The following SUGT1 variants were observed in gnomAD, a reference collection of about 807,000 sequenced individuals.
The protein encoded by SUGT1 is SGT1 assembly cochaperone of MIS12 kinetochore complex.
Under a neutral mutation model 56.1 loss-of-function variants are expected in SUGT1, and 15 were observed. The ratio of observed to expected loss-of-function variants is 0.27; its 90% confidence interval spans 0.18 to 0.41. The LOEUF is 0.41. Among genes scored for constraint, SUGT1 ranks in the 10% least tolerant of loss-of-function variants. The pLI, the probability that SUGT1 is intolerant of heterozygous loss-of-function variation, is 1.00. For missense variants in SUGT1, 347 were observed against 382.2 expected (o/e 0.91, Z 0.77); for synonymous variants, 123 against 128.6 (o/e 0.96, Z 0.30).
intron 10 of SUGT1, among the ~76,000 whole-genome samples, chr13:52,672,743 G>A (rs1202223539): frequency 6.6e-6 from 1 of 152,124 alleles, no homozygotes; most frequent in Non-Finnish European, 1.5e-5. Context: ...AATAGTAGGT[G>A]GGATCTTACT....
chr13:52,676,013 G>A (rs1963127157), intron 10 of SUGT1, among the ~76,000 whole-genome samples: 1 of 152,056 alleles, frequency 6.6e-6, no homozygotes, highest in Non-Finnish European at 1.5e-5. Context: ...CTTGATTATA[G>A]CTTATATATA....
intron 5 of SUGT1, chr13:52,661,655 A>G: frequency 2.7e-6 from 1 of 375,964 alleles, no homozygotes; most frequent in Non-Finnish European, 5.2e-6. Context: ...AGGGTAAAGA[A>G]TTGTTACCTT....
chr13:52,668,974 A>T (rs1340002794), intron 10 of SUGT1, among the ~76,000 whole-genome samples: 1 of 152,186 alleles, frequency 6.6e-6, no homozygotes, highest in Non-Finnish European at 1.5e-5. Context: ...AAATACATAG[A>T]TGTGTGGCTA....
chr13:52,674,322 G>A (rs748247245), intron 10 of SUGT1, among the ~76,000 whole-genome samples: 36 of 151,762 alleles, frequency 2.4e-4, no homozygotes, highest in Admixed American at 1.5e-3. Context: ...AAGGTGCTGG[G>A]GTTACTACTC....
At chr13:52,664,945 C>T (rs2138127483) in intron 8 of SUGT1, among the ~76,000 whole-genome samples, 1 of 152,258 alleles carries the variant, frequency 6.6e-6, no homozygotes, top group South Asian at 2.1e-4. Context: ...AGCTTTTAAT[C>T]TAGTCTAATT....
intron 12 of SUGT1, among the ~76,000 whole-genome samples, chr13:52,685,229 G>C (rs1037729747): frequency 6.8e-6 from 1 of 146,412 alleles, no homozygotes; most frequent in Admixed American, 7.1e-5. Flanking sequence ...ACCACACCTG[G>C]CTATTTTTCT....
rs1266250395 is a variant in SUGT1 at position 52,692,990 on chromosome 13, T to C, written c.*5155T>C. On this transcript the variant is annotated 3_prime_UTR_variant, in exon 13 of 13. Transcript: ENST00000310528. ...GGGAGCTCTCATACCAGTTCCGTTGTACAAATGCTGAGATTGTTTCAAGGT... is the reference window on the plus strand; with the variant it reads ...GGGAGCTCTCATACCAGTTCCGTTGCACAAATGCTGAGATTGTTTCAAGGT... The C allele has an allele frequency of 6.6e-6, 1 of 152,224 alleles. No individual in the cohort carries two copies. The highest frequency in any genetic ancestry group is 1.5e-5 in the Non-Finnish European group (1 of 68,042). 9.4% of individuals were successfully genotyped at this position (152,224 alleles called of 1,614,324 possible). A position where few individuals can be genotyped will look rare whatever the true frequency, so the allele number is the denominator to read the frequency against.
At chr13:52,662,537 C>A in intron 5 of SUGT1, 112 bp from the exon 6 acceptor site, 1 of 992,780 alleles carries the variant, frequency 1.0e-6, no homozygotes, top group Non-Finnish European at 1.5e-6. Context: ...TGTTCGCTGC[C>A]GACTCCCCAG....
At chr13:52,658,038 A>C (rs1012653913) in intron 3 of SUGT1, 6 of 1,149,856 alleles carry the variant, frequency 5.2e-6, no homozygotes, top group African/African-American at 4.9e-5. Flanking sequence ...CCTGGGCAAC[A>C]TAACAAGACC....
intron 4 of SUGT1, 118 bp downstream of exon 4, chr13:52,658,586 A>G: frequency 1.1e-6 from 1 of 876,140 alleles, no homozygotes; most frequent in South Asian, 2.4e-5. Flanking sequence ...TACATTATAT[A>G]GCAGAGATAT....
chr13:52,665,599 TAGA>T (rs763328695), intron 8 of SUGT1, 35 bp from the exon 9 acceptor site: 8 of 1,470,426 alleles, frequency 5.4e-6, no homozygotes, highest in Admixed American at 2.4e-5. Context: ...TTAAAAAAAT[TAGA>T]AGAGTTACCT....
rs1423323562 is a variant in SUGT1 at position 52,692,215 on chromosome 13, T to TAAGA, written c.*4380_*4381insAAGA. On this transcript the variant is annotated 3_prime_UTR_variant, in exon 13 of 13. Transcript: ENST00000310528. ...GATGATGGGGCCAAAGTAAAGTTCT[T>TAAGA]TGCCCAGGTCACTCTACTAGTAAGT... 13 of 152,240 alleles carry TAAGA rather than the reference T, an allele frequency of 8.5e-5. No individual in the cohort carries two copies. Among genetic ancestry groups the TAAGA allele is most frequent in the African/African-American group, 3.1e-4 (13 of 41,554 alleles). 9.4% of individuals were successfully genotyped at this position (152,240 alleles called of 1,614,324 possible). A position where few individuals can be genotyped will look rare whatever the true frequency, so the allele number is the denominator to read the frequency against.
In SUGT1 at chr13:52,687,386, T is replaced by TG. The variant is rs11394201; in HGVS notation, c.901-345dup. 3.8e-3 allele frequency: 584 copies of TG among 155,002 alleles called. 4 individuals carry two copies. Among genetic ancestry groups the TG allele is most frequent in the Non-Finnish European group, 6.6e-3 (463 of 70,042 alleles). 9.6% of individuals were successfully genotyped at this position (155,002 alleles called of 1,614,324 possible). On this transcript the variant is annotated intron_variant, in intron 12 of 12. Transcript: ENST00000310528. ...AAGAGATTATAATAATCATTTTTTT[T>TG]GGGAGCTAATAATATTTTCAATTGA... is the stretch of plus-strand genomic sequence containing the variant.
At chr13:52,655,141 C>T (rs1312162701) in intron 2 of SUGT1, among the ~76,000 whole-genome samples, 2 of 152,112 alleles carry the variant, frequency 1.3e-5, no homozygotes, top group South Asian at 2.1e-4. Flanking sequence ...GTCAGGAATT[C>T]GAGACCAGCC....
rs1386977982 is a variant in SUGT1, at chr13:52,691,588, G to C, written c.*3753G>C. On this transcript the variant is annotated 3_prime_UTR_variant, in exon 13 of 13. Coordinates refer to ENST00000310528, the MANE Select transcript of SUGT1 (RefSeq NM_006704.5). ...ATCTCTCTGAACTTGTAGCTTTACT[G>C]ACATTTCCAAAAAAAGGTAGACGGT... is the stretch of plus-strand genomic sequence containing the variant. The C allele has an allele frequency of 6.6e-6, 1 of 151,930 alleles. No homozygotes were observed. The highest frequency in any genetic ancestry group is 1.5e-5 in the Non-Finnish European group (1 of 67,978). 9.4% of individuals were successfully genotyped at this position (151,930 alleles called of 1,614,324 possible). A position where few individuals can be genotyped will look rare whatever the true frequency, so the allele number is the denominator to read the frequency against.
chr13:52,684,149 C>T (rs1372991966), intron 12 of SUGT1, among the ~76,000 whole-genome samples: 1 of 152,138 alleles, frequency 6.6e-6, no homozygotes, highest in African/African-American at 2.4e-5. Context: ...GATCCGCCCA[C>T]CTTGGCCTCC....
At position 52,690,764 on chromosome 13, in the gene SUGT1, C is replaced by G. The variant is rs1489068606; in HGVS notation, c.*2929C>G. On this transcript the variant is annotated 3_prime_UTR_variant, in exon 13 of 13. Transcript: ENST00000310528. ...CAACTAACAAGCTCAGCCTTTAGCA[C>G]TGGCACTTACTGGCCAATCTGTTTT... is the stretch of plus-strand genomic sequence containing the variant. 1 of 152,232 alleles carries G rather than the reference C, an allele frequency of 6.6e-6. No individual in the cohort carries two copies. The highest frequency in any genetic ancestry group is 2.4e-5 in the African/African-American group (1 of 41,444). The allele number at this position is 152,232 out of a possible 1,614,324, so 9.4% of individuals were successfully genotyped here.
At chr13:52,659,827 T>G (rs1429079380) in intron 5 of SUGT1, among the ~76,000 whole-genome samples, 2 of 58,118 alleles carry the variant, frequency 3.4e-5, no homozygotes, top group Non-Finnish European at 5.8e-5. Flanking sequence ...TTTTTTTTTT[T>G]TTTTTTTTTT....
chr13:52,658,316 G>T (rs138004838), intron 3 of SUGT1, 83 bp from the exon 4 acceptor site: 2 of 1,581,970 alleles, frequency 1.3e-6, no homozygotes, highest in African/African-American at 2.7e-5. Flanking sequence ...TGAAAACTTA[G>T]AAATCTAAAA....
Sources: allele counts gnomAD v4.1 joint callset (sites outside exome capture counted in the v4.1 genomes callset), GRCh38; gene constraint gnomAD v4.1.1; transcripts MANE v1.5; gene names NCBI Gene and HGNC (gene_info 2026-07-23, HGNC 2026-07-21).